EYS: variants seen among roughly 807,000 people sequenced by gnomAD.
The protein encoded by EYS is protein eyes shut homolog.
A neutral mutation model predicts 282.1 loss-of-function variants in EYS; 250 were observed. The observed-to-expected ratio is 0.89, with a 90% CI of 0.80 to 0.98. The LOEUF (loss-of-function observed/expected upper bound fraction) is 0.98. Ranked by LOEUF, EYS falls within the 50% of genes least tolerant of loss-of-function variation. The probability of loss-of-function intolerance (pLI) is 0.00; values close to 1 mark genes in which losing one functional copy is unlikely to be tolerated. For synonymous variants in EYS, 1,355 were observed against 1,282.9 expected, an observed-to-expected ratio of 1.06 and a Z score of -1.20; for missense variants, 4,016 against 3,709.0, an observed-to-expected ratio of 1.08 and a Z score of -2.15.
chr6:64,483,352 T>A (rs2150500875), intron 26 of EYS, among the ~76,000 whole-genome samples: 1 of 151,780 alleles, frequency 6.6e-6, no homozygotes, highest in African/African-American at 2.4e-5. Flanking sequence ...TGGCTGAGGA[T>A]ATCAGGTCAA....
rs867561573 is a variant in EYS at position 65,082,323 on chromosome 6, C to A, written c.2024-24596G>T. On this transcript the variant is annotated intron_variant, in intron 12 of 42. Coordinates refer to ENST00000503581, the MANE Select transcript of EYS (RefSeq NM_001142800.2). ...TATGGATATAGTCCACATAAATAAA[C>A]CAATTATTTATGAGTCATGTTCATT... Among the ~76,000 whole-genome samples, 6 of 152,008 alleles carry A rather than the reference C, an allele frequency of 3.9e-5. No individual in the cohort carries two copies. The South Asian group carries it at 6.2e-4, about 16-fold the overall frequency.
At chr6:64,685,622 T>G (rs1472319202) in intron 22 of EYS, among the ~76,000 whole-genome samples, 1 of 152,098 alleles carries the variant, frequency 6.6e-6, no homozygotes, top group Non-Finnish European at 1.5e-5. Context: ...CCTCCACGAG[T>G]GGAAACAGCC....
chr6:64,072,953 C>G (rs1436253091), intron 32 of EYS, among the ~76,000 whole-genome samples: 1 of 151,816 alleles, frequency 6.6e-6, no homozygotes, highest in Admixed American at 6.6e-5. Flanking sequence ...ATTGACTATA[C>G]ACATTCAACA....
At chr6:65,318,253 C>T (rs991665184) in intron 11 of EYS, among the ~76,000 whole-genome samples, 1 of 151,864 alleles carries the variant, frequency 6.6e-6, no homozygotes, top group Admixed American at 6.6e-5. Context: ...CTTTCCCCTT[C>T]TCACTCCTCT....
At chr6:64,641,106 A>T (rs1332844949) in intron 22 of EYS, among the ~76,000 whole-genome samples, 1 of 152,232 alleles carries the variant, frequency 6.6e-6, no homozygotes, top group Non-Finnish European at 1.5e-5. Context: ...TGATAATGAC[A>T]TACCCAAGAC....
chr6:64,451,537 C>T (rs541513932), intron 26 of EYS, among the ~76,000 whole-genome samples: 1 of 152,238 alleles, frequency 6.6e-6, no homozygotes, highest in South Asian at 2.1e-4. Flanking sequence ...GATACCAAAG[C>T]CTGGCAAAGA....
At chr6:64,357,486 A>C (rs959043149) in intron 29 of EYS, among the ~76,000 whole-genome samples, 2 of 151,776 alleles carry the variant, frequency 1.3e-5, no homozygotes, top group South Asian at 4.1e-4. Flanking sequence ...CTCTGGCAAA[A>C]ATGTGGAGGA....
chr6:64,415,415 C>T (rs1203301305), intron 28 of EYS, among the ~76,000 whole-genome samples: 2 of 152,164 alleles, frequency 1.3e-5, no homozygotes, highest in Non-Finnish European at 2.9e-5. Flanking sequence ...ATCTATGTAG[C>T]TTCCCAGTCA....
chr6:65,434,464 G>T (rs1398248063), intron 5 of EYS, among the ~76,000 whole-genome samples: 1 of 151,972 alleles, frequency 6.6e-6, no homozygotes, highest in African/African-American at 2.4e-5. Context: ...GGGACTACAG[G>T]CGCCCGCCAC....
At chr6:65,654,702 G>A (rs1447466572) in intron 1 of EYS, among the ~76,000 whole-genome samples, 50 of 151,558 alleles carry the variant, frequency 3.3e-4, no homozygotes, top group Non-Finnish European at 1.0e-4. Flanking sequence ...ATTGTTCACT[G>A]AATTGAGTCA....
At chr6:64,491,818 AATT>A (rs1459318407) in intron 26 of EYS, among the ~76,000 whole-genome samples, 1 of 135,648 alleles carries the variant, frequency 7.4e-6, no homozygotes, top group Non-Finnish European at 1.7e-5. Flanking sequence ...TATAAAAGTA[AATT>A]ATTCTTCTCT....
At chr6:64,286,965 A>C (rs1163974421) in intron 30 of EYS, among the ~76,000 whole-genome samples, 1 of 152,164 alleles carries the variant, frequency 6.6e-6, no homozygotes, top group South Asian at 2.1e-4. Context: ...TCTTAACAAA[A>C]TTGAAGTTTT....
At chr6:65,154,535 T>A (rs578082289) in intron 12 of EYS, among the ~76,000 whole-genome samples, 3 of 151,670 alleles carry the variant, frequency 2.0e-5, no homozygotes, top group Non-Finnish European at 4.4e-5. Flanking sequence ...TAATTATATG[T>A]TTAATAATTT....
chr6:64,271,179 A>T (rs1161100740), intron 30 of EYS, among the ~76,000 whole-genome samples: 1 of 152,162 alleles, frequency 6.6e-6, no homozygotes, highest in Admixed American at 6.5e-5. Flanking sequence ...ATTTCCAGGT[A>T]TATAAGATAC....
intron 12 of EYS, among the ~76,000 whole-genome samples, chr6:65,175,964 C>T (rs1217413780): frequency 3.3e-5 from 5 of 151,346 alleles, no homozygotes; most frequent in African/African-American, 1.2e-4. Flanking sequence ...ATAAAAATTG[C>T]ATATATTTCA....
At chr6:65,253,423 G>A (rs1767377986) in intron 12 of EYS, among the ~76,000 whole-genome samples, 2 of 151,790 alleles carry the variant, frequency 1.3e-5, no homozygotes, top group Non-Finnish European at 2.9e-5. Context: ...CGCCCACTGA[G>A]GTCATCATAC....
chr6:64,627,476 A>G (rs1343451421), intron 22 of EYS, among the ~76,000 whole-genome samples: 8 of 152,242 alleles, frequency 5.3e-5, no homozygotes, highest in Non-Finnish European at 7.3e-5. Context: ...GTATTGGATC[A>G]TAAGTTTTAC....
At chr6:65,130,094 G>T (rs1775828938) in intron 12 of EYS, among the ~76,000 whole-genome samples, 1 of 151,780 alleles carries the variant, frequency 6.6e-6, no homozygotes, top group Non-Finnish European at 1.5e-5. Context: ...CTTACAAGTA[G>T]GAGTTAAACA....
At chr6:65,044,407 G>C (rs1323382485) in intron 13 of EYS, among the ~76,000 whole-genome samples, 1 of 151,486 alleles carries the variant, frequency 6.6e-6, no homozygotes, top group Non-Finnish European at 1.5e-5. Flanking sequence ...GTCTAATTTT[G>C]CCTTTGTTGC....
Sources: gnomAD v4.1 joint callset for allele counts (sites outside exome capture counted in the v4.1 genomes callset) on GRCh38, gnomAD v4.1.1 for gene constraint, MANE v1.5 for transcripts, NCBI Gene and HGNC (gene_info 2026-07-23, HGNC 2026-07-21) for gene names.